The following ZFR variants were observed in gnomAD, a reference collection of about 807,000 sequenced individuals.
ZFR encodes the protein zinc finger RNA binding protein.
Under a neutral mutation model 130.7 loss-of-function variants are expected in ZFR, and 19 were observed. The ratio of observed to expected loss-of-function variants is 0.15; its 90% CI spans 0.10 to 0.21. ZFR has a LOEUF of 0.21. Among genes scored for constraint, ZFR ranks in the 10% least tolerant of loss-of-function variants. The pLI is 1.00. For synonymous variants in ZFR, 466 were observed against 456.9 expected, an observed-to-expected ratio of 1.02 and a Z score of -0.25; for missense variants, 872 against 1,321.5, an observed-to-expected ratio of 0.66 and a Z score of 5.27.
intron 19 of ZFR, among the ~76,000 whole-genome samples, chr5:32,356,237 T>G (rs1355412682): frequency 6.6e-6 from 1 of 151,990 alleles, no homozygotes; most frequent in African/African-American, 2.4e-5. Flanking sequence ...ACAAGCAGGA[T>G]GTTGAAAACA....
chr5:32,409,254 T>C (rs570391949), intron 5 of ZFR, among the ~76,000 whole-genome samples: 7 of 152,342 alleles, frequency 4.6e-5, no homozygotes, highest in African/African-American at 1.7e-4. Context: ...GTTTACCAGT[T>C]TTCAGGTAGG....
At chr5:32,435,861 T>C (rs913010172) in intron 2 of ZFR, among the ~76,000 whole-genome samples, 2 of 152,230 alleles carry the variant, frequency 1.3e-5, no homozygotes, top group Non-Finnish European at 2.9e-5. Context: ...TAAGTATCTA[T>C]GTGAACACTA....
intron 5 of ZFR, among the ~76,000 whole-genome samples, chr5:32,413,206 CAAAACAAAACAA>C (rs1561905782): frequency 5.3e-5 from 8 of 150,344 alleles, no homozygotes; most frequent in South Asian, 2.1e-4. Context: ...AAAAACAAAA[CAAAACAAAACAA>C]AAAACAAAAC....
chr5:32,410,307 A>T (rs1204619243), intron 5 of ZFR, among the ~76,000 whole-genome samples: 4 of 135,438 alleles, frequency 3.0e-5, no homozygotes, highest in African/African-American at 5.3e-5. Flanking sequence ...AAAAAAAAAA[A>T]AATGTACTTT....
chr5:32,402,990 TC>T (rs1237065514), intron 8 of ZFR, 115 bp downstream of exon 8: 2 of 988,536 alleles, frequency 2.0e-6, no homozygotes, highest in African/African-American at 3.3e-5. Flanking sequence ...AGAAACAAGG[TC>T]CCAGAGAGAA....
At chr5:32,400,438 T>A (rs1753424210) in intron 8 of ZFR, among the ~76,000 whole-genome samples, 1 of 151,916 alleles carries the variant, frequency 6.6e-6, no homozygotes, top group Admixed American at 6.6e-5. Flanking sequence ...ACCCTCCTCA[T>A]CCCCCCTCAA....
At chr5:32,360,947 C>CGATT (rs1752418836) in intron 19 of ZFR, among the ~76,000 whole-genome samples, 2 of 152,070 alleles carry the variant, frequency 1.3e-5, no homozygotes, top group Non-Finnish European at 2.9e-5. Flanking sequence ...TGAGTAGCTG[C>CGATT]GATTACAGGT....
intron 10 of ZFR, among the ~76,000 whole-genome samples, chr5:32,396,746 TA>T (rs562823263): frequency 5.5e-5 from 8 of 146,552 alleles, no homozygotes; most frequent in Non-Finnish European, 9.1e-5. Flanking sequence ...TCCATCTCAT[TA>T]AAAAAAAAAA....
intron 6 of ZFR, 191 bp downstream of exon 6, chr5:32,406,581 TAC>T (rs1753583600): frequency 2.9e-6 from 2 of 683,466 alleles, no homozygotes; most frequent in East Asian, 3.7e-5. Context: ...ATTTATCATT[TAC>T]AGTCACAATC....
At position 32,412,306 on chromosome 5, in the gene ZFR, T is replaced by C. The variant is rs147872409; in HGVS notation, c.784+2663A>G. Among the ~76,000 whole-genome samples the C allele has an allele frequency of 2.0e-5, 3 of 152,336 alleles. No individual in the cohort carries two copies. In the East Asian group the frequency reaches 5.8e-4, roughly 29 times the overall value. The stretch of plus-strand genomic sequence containing the variant: ...TCAAGTAATTTTCTTGTCTAAAAAG[T>C]TACCTGAATCTAAACATAAATCATC... On this transcript the variant is annotated intron_variant, in intron 5 of 19. Coordinates refer to ENST00000265069, the MANE Select transcript of ZFR (RefSeq NM_016107.5).
chr5:32,437,408 AAAC>A (rs1199518759), intron 2 of ZFR, among the ~76,000 whole-genome samples: 1 of 152,178 alleles, frequency 6.6e-6, no homozygotes, highest in East Asian at 1.9e-4. Flanking sequence ...TATTCAAATA[AAAC>A]AAAAAAAAAC....
intron 2 of ZFR, among the ~76,000 whole-genome samples, chr5:32,421,769 T>C (rs1753964619): frequency 6.6e-6 from 1 of 152,140 alleles, no homozygotes; most frequent in Admixed American, 6.6e-5. Flanking sequence ...ACTCATAGAA[T>C]TTCTATCTGG....
chr5:32,379,293 C>T (rs768888373), intron 16 of ZFR, 83 bp from the exon 17 acceptor site: 6 of 1,168,890 alleles, frequency 5.1e-6, no homozygotes, highest in East Asian at 2.4e-5. Flanking sequence ...AAAATACCAC[C>T]GTTCAATGGA....
intron 9 of ZFR, among the ~76,000 whole-genome samples, chr5:32,399,134 G>A (rs1185513925): frequency 2.0e-5 from 3 of 151,902 alleles, no homozygotes; most frequent in Non-Finnish European, 4.4e-5. Flanking sequence ...AATCAGCTGG[G>A]GGTGGTGGCA....
intron 11 of ZFR, 84 bp downstream of exon 11, chr5:32,395,075 G>A: frequency 6.9e-7 from 1 of 1,444,338 alleles, no homozygotes. Flanking sequence ...GGATTGCTTT[G>A]AATGGGAGTC....
chr5:32,415,078 G>T lies in ZFR; in HGVS notation c.675C>A (p.Phe225Leu). 1 of 1,614,154 alleles carries T rather than the reference G, an allele frequency of 6.2e-7. No individual in the cohort carries two copies. Among genetic ancestry groups the T allele is most frequent in the Non-Finnish European group, 8.5e-7 (1 of 1,180,024 alleles). ...PATPSPATTT[F>L]SIYPVSSTVQ... ...CGGTGGAGGATACAGGATAGATGGA[G>T]AAAGTAGTGGTAGCTGGACTTGGTG... The change falls in exon 5 of 20, where the codon TTC becomes TTA. Residue 225 changes from phenylalanine to leucine, a missense_variant. By Grantham distance (22) the Phe-to-Leu change is conservative. This residue lies in a region of ZFR where 240 missense variants were observed against 441.2 expected (regional missense o/e 0.54). Coordinates refer to ENST00000265069, the MANE Select transcript of ZFR (RefSeq NM_016107.5).
At chr5:32,415,343 T>C (rs1272910451) in intron 4 of ZFR, among the ~76,000 whole-genome samples, 156 bp from the exon 5 acceptor site, 5 of 152,214 alleles carry the variant, frequency 3.3e-5, no homozygotes, top group Non-Finnish European at 7.3e-5. Flanking sequence ...AAAACTCTTA[T>C]TACCAATATG....
intron 2 of ZFR, 131 bp from the exon 3 acceptor site, chr5:32,420,234 T>C: frequency 1.9e-6 from 2 of 1,057,018 alleles, no homozygotes; most frequent in Non-Finnish European, 2.5e-6. Flanking sequence ...CCACAAAAGG[T>C]CAAGTACTTG....
intron 14 of ZFR, among the ~76,000 whole-genome samples, chr5:32,387,060 A>G (rs1753059706): frequency 6.6e-6 from 1 of 152,160 alleles, no homozygotes; most frequent in African/African-American, 2.4e-5. Context: ...ATTTCCTACC[A>G]TTATAAACAT....
Sources: gnomAD v4.1 joint callset for allele counts (sites outside exome capture counted in the v4.1 genomes callset) on GRCh38, gnomAD v4.1.1 for gene constraint, gnomAD v4.1.1 regional missense constraint, MANE v1.5 for transcripts, NCBI Gene and HGNC (gene_info 2026-07-23, HGNC 2026-07-21) for gene names.